The following ZNF503 variants were observed in gnomAD, a reference collection of about 807,000 sequenced individuals.
ZNF503 encodes zinc finger protein 503, also known as NocA-like zinc finger 2.
A neutral mutation model predicts 34.4 loss-of-function variants in ZNF503; 15 were observed. That is an observed-to-expected ratio of 0.44 (90% CI 0.29 to 0.67). The LOEUF is 0.67. ZNF503 is among the 30% of genes least tolerant of loss of function. ZNF503 has a pLI of 0.13. For synonymous variants in ZNF503, 580 were observed against 456.8 expected, an observed-to-expected ratio of 1.27 and a Z score of -3.44; for missense variants, 1,007 against 926.8, an observed-to-expected ratio of 1.09 and a Z score of -1.12.
At chr10:75,346,330 G>A in the ZNF503 span, among the ~76,000 whole-genome samples, 1 of 152,056 alleles carries the variant, frequency 6.6e-6, no homozygotes, top group Non-Finnish European at 1.5e-5. Context: ...TTGAAGTTTG[G>A]TGTCTTGAAA....
the ZNF503 span, among the ~76,000 whole-genome samples, chr10:75,350,921 T>C: frequency 6.6e-6 from 1 of 152,106 alleles, no homozygotes; most frequent in East Asian, 1.9e-4. Flanking sequence ...GCAGTATGTC[T>C]TGGAGATTTA....
chr10:75,395,071 G>A (rs1015485845), downstream of ZNF503, among the ~76,000 whole-genome samples: 7 of 152,214 alleles, frequency 4.6e-5, no homozygotes, highest in African/African-American at 1.7e-4. The surrounding 1 kb of genome is among the most constrained non-coding windows in gnomAD (Gnocchi z 4.4). Context: ...CGAGTAAATG[G>A]GATGAGCAGC....
the ZNF503 span, chr10:75,360,594 AT>A: frequency 6.6e-6 from 1 of 152,314 alleles, no homozygotes; most frequent in African/African-American, 2.4e-5. Context: ...TTCAGAGTTG[AT>A]TGCTACTGTC....
chr10:75,333,579 C>T, the ZNF503 span, among the ~76,000 whole-genome samples: 23 of 57,940 alleles, frequency 4.0e-4, no homozygotes, highest in African/African-American at 9.4e-4. Context: ...GCTGGCCGGG[C>T]GGGGGGCTGA....
At chr10:75,303,122 C>T in the ZNF503 span, among the ~76,000 whole-genome samples, 1 of 152,166 alleles carries the variant, frequency 6.6e-6, no homozygotes, top group Non-Finnish European at 1.5e-5. Context: ...TTACTAAACA[C>T]CTCTGTCCTC....
the ZNF503 span, among the ~76,000 whole-genome samples, chr10:75,313,007 G>C: frequency 6.6e-6 from 1 of 152,156 alleles, no homozygotes; most frequent in Non-Finnish European, 1.5e-5. Context: ...TGTAAGATGT[G>C]ACTTTACTCT....
the ZNF503 span, among the ~76,000 whole-genome samples, chr10:75,306,632 A>G: frequency 6.6e-6 from 1 of 152,120 alleles, no homozygotes; most frequent in Non-Finnish European, 1.5e-5. Context: ...GTTTTTTACA[A>G]ATTGAAAATT....
the ZNF503 span, among the ~76,000 whole-genome samples, chr10:75,370,778 C>CAAAAAAAAAAAAAA: frequency 2.5e-4 from 17 of 67,972 alleles, 1 homozygote; most frequent in East Asian, 5.1e-4. Context: ...GGCTCCATCT[C>CAAAAAAAAAAAAAA]AAAAAAAAAA....
the ZNF503 span, among the ~76,000 whole-genome samples, chr10:75,352,600 G>C: frequency 6.6e-6 from 1 of 152,180 alleles, no homozygotes; most frequent in African/African-American, 2.4e-5. Flanking sequence ...GTCTTGGCTG[G>C]ACTGAGCTGC....
chr10:75,392,533 A>C, the ZNF503 span, among the ~76,000 whole-genome samples: 1 of 152,196 alleles, frequency 6.6e-6, no homozygotes, highest in African/African-American at 2.4e-5. Flanking sequence ...ATTCCAGGGA[A>C]GGAGTGTATG....
At chr10:75,324,738 A>G in the ZNF503 span, among the ~76,000 whole-genome samples, 1 of 152,350 alleles carries the variant, frequency 6.6e-6, no homozygotes, top group South Asian at 2.1e-4. Context: ...GATCTTTAGT[A>G]TATTCACAAA....
chr10:75,317,813 T>C, the ZNF503 span, among the ~76,000 whole-genome samples: 1 of 152,046 alleles, frequency 6.6e-6, no homozygotes, highest in Non-Finnish European at 1.5e-5. Flanking sequence ...CTGGCCAACA[T>C]GGTGAAACCC....
the ZNF503 span, among the ~76,000 whole-genome samples, chr10:75,316,049 A>G: frequency 1.3e-5 from 2 of 152,250 alleles, no homozygotes; most frequent in Non-Finnish European, 2.9e-5. Context: ...TATGCAGCCA[A>G]CAGTGGAGTA....
At chr10:75,365,496 T>A in the ZNF503 span, among the ~76,000 whole-genome samples, 1 of 152,216 alleles carries the variant, frequency 6.6e-6, no homozygotes, top group African/African-American at 2.4e-5. Flanking sequence ...GGATTCAAGC[T>A]GCATTTTTGG....
At chr10:75,282,428 T>G in the ZNF503 span, among the ~76,000 whole-genome samples, 2 of 152,222 alleles carry the variant, frequency 1.3e-5, no homozygotes, top group Admixed American at 6.5e-5. Flanking sequence ...GAAGTTAGAA[T>G]GCAAGGATGG....
chr10:75,320,178 CTT>C, the ZNF503 span, among the ~76,000 whole-genome samples: 12 of 152,088 alleles, frequency 7.9e-5, no homozygotes, highest in Non-Finnish European at 1.5e-5. Flanking sequence ...TGCAAATAAA[CTT>C]TTAAAAATTA....
chr10:75,322,065 C>T, the ZNF503 span, among the ~76,000 whole-genome samples: 1 of 151,940 alleles, frequency 6.6e-6, no homozygotes, highest in Non-Finnish European at 1.5e-5. Context: ...TTTACCACTT[C>T]TCATTCTATG....
At chr10:75,306,884 T>C in the ZNF503 span, among the ~76,000 whole-genome samples, 1 of 152,232 alleles carries the variant, frequency 6.6e-6, no homozygotes, top group Non-Finnish European at 1.5e-5. Flanking sequence ...ATGAATGTTG[T>C]GTGCATTCTG....
At chr10:75,390,772 G>C in the ZNF503 span, among the ~76,000 whole-genome samples, 1 of 152,124 alleles carries the variant, frequency 6.6e-6, no homozygotes, top group South Asian at 2.1e-4. Flanking sequence ...TAGTAACAAA[G>C]CCCTTTGTGT....
Sources: gnomAD v4.1 joint callset for allele counts (sites outside exome capture counted in the v4.1 genomes callset) on GRCh38, gnomAD v4.1.1 for gene constraint, Gnocchi (gnomAD v3.1) non-coding constraint, MANE v1.5 for transcripts, NCBI Gene and HGNC (gene_info 2026-07-23, HGNC 2026-07-21) for gene names.